Variants in MOCOS observed in about 807,000 individuals in gnomAD.
The protein encoded by MOCOS is molybdenum cofactor sulfurase.
Under a neutral mutation model 83.6 loss-of-function variants are expected in MOCOS, and 86 were observed. The ratio of observed to expected loss-of-function variants is 1.03; its 90% CI spans 0.86 to 1.23. The LOEUF (loss-of-function observed/expected upper bound fraction) is 1.23, where lower values mean the gene tolerates loss of function less well. MOCOS is among the 50% of genes most tolerant of loss of function. The probability of loss-of-function intolerance (pLI) is 0.00; values close to 1 mark genes in which losing one functional copy is unlikely to be tolerated. For synonymous variants in MOCOS, 445 were observed against 434.7 expected (o/e 1.02, Z -0.29); for missense variants, 1,120 against 1,126.9 (o/e 0.99, Z 0.09).
chr18:36,239,404 G>T (rs1400599523), intron 9 of MOCOS, among the ~76,000 whole-genome samples: 1 of 146,338 alleles, frequency 6.8e-6, no homozygotes, highest in Non-Finnish European at 1.5e-5. Flanking sequence ...AGCTTAGTTT[G>T]GCTGGATATG....
At chr18:36,192,860 G>A (rs180937391) in intron 1 of MOCOS, among the ~76,000 whole-genome samples, 5 of 152,174 alleles carry the variant, frequency 3.3e-5, no homozygotes, top group Non-Finnish European at 5.9e-5. Context: ...TGTTGGCCAG[G>A]CTGGTCTTGA....
chr18:36,247,012 C>T (rs893639932), intron 9 of MOCOS, among the ~76,000 whole-genome samples: 6 of 151,792 alleles, frequency 4.0e-5, no homozygotes. Flanking sequence ...ATCATACTCT[C>T]CTTGGGCAGG....
chr18:36,255,957 A>T (rs1318978305), intron 11 of MOCOS, among the ~76,000 whole-genome samples: 2 of 140,638 alleles, frequency 1.4e-5, no homozygotes, highest in African/African-American at 5.4e-5. Flanking sequence ...CAATAGTGTG[A>T]TCTCGGCTCA....
intron 4 of MOCOS, among the ~76,000 whole-genome samples, chr18:36,200,555 T>A (rs996392086): frequency 6.6e-6 from 1 of 152,024 alleles, no homozygotes; most frequent in African/African-American, 2.4e-5. Flanking sequence ...TCCAGAGCTG[T>A]GAGAGGACTG....
At chr18:36,268,425 G>T (rs2091688508) in intron 14 of MOCOS, 108 bp from the exon 15 acceptor site, 1 of 1,379,634 alleles carries the variant, frequency 7.2e-7, no homozygotes, top group Middle Eastern at 1.8e-4. Flanking sequence ...CTCAGTATAT[G>T]TCTTTAAAAA....
intron 13 of MOCOS, among the ~76,000 whole-genome samples, chr18:36,260,847 G>C (rs1166175131): frequency 1.3e-5 from 2 of 151,404 alleles, no homozygotes; most frequent in Non-Finnish European, 2.9e-5. Flanking sequence ...CCGTCACAGT[G>C]ACCTTCTCTC....
intron 9 of MOCOS, among the ~76,000 whole-genome samples, chr18:36,240,334 T>C (rs1412484063): frequency 7.4e-6 from 1 of 134,570 alleles, no homozygotes; most frequent in African/African-American, 2.9e-5. Context: ...CCTTTCTGTT[T>C]GTTAGTTTTC....
chr18:36,208,716 T>C (rs962336011), intron 6 of MOCOS, among the ~76,000 whole-genome samples: 3 of 152,212 alleles, frequency 2.0e-5, no homozygotes, highest in Non-Finnish European at 4.4e-5. Flanking sequence ...ATTTTCCGGG[T>C]ATAGAATCAT....
chr18:36,233,578 G>A (rs1248417928), intron 9 of MOCOS, among the ~76,000 whole-genome samples: 1 of 152,148 alleles, frequency 6.6e-6, no homozygotes, highest in Admixed American at 6.5e-5. Flanking sequence ...GGATCAAATT[G>A]TGGTTCTACT....
intron 9 of MOCOS, among the ~76,000 whole-genome samples, chr18:36,220,738 T>TGGCAA (rs2091493104): frequency 6.6e-6 from 1 of 151,904 alleles, no homozygotes; most frequent in Non-Finnish European, 1.5e-5. Flanking sequence ...CTGGCCAACA[T>TGGCAA]GACGAAACCC....
chr18:36,269,386 C>T lies in MOCOS; in HGVS notation c.*701C>T, dbSNP rs1178039219. 2 of 152,594 alleles carry T rather than the reference C, an allele frequency of 1.3e-5. No homozygotes were observed. Among genetic ancestry groups the T allele is most frequent in the Non-Finnish European group, 2.9e-5 (2 of 68,388 alleles). 9.5% of individuals were successfully genotyped at this position (152,594 alleles called of 1,614,324 possible). A position where few individuals can be genotyped will look rare whatever the true frequency, so the allele number is the denominator to read the frequency against. On this transcript the variant is annotated 3_prime_UTR_variant, in exon 15 of 15. Coordinates refer to ENST00000261326, the MANE Select transcript of MOCOS (RefSeq NM_017947.4). ...TGGCTGTGCTTATGCAGGTTGTCAT[C>T]CTCCCCTCCACAAGCCCACAGGATG...
Position 36,268,692 on chromosome 18 carries a change from T to G in MOCOS, c.*7T>G, listed in dbSNP as rs1022275606. 1 of 1,483,734 alleles carries G rather than the reference T, an allele frequency of 6.7e-7. No individual in the cohort carries two copies. Among genetic ancestry groups the G allele is most frequent in the Non-Finnish European group, 9.0e-7 (1 of 1,114,704 alleles). 91.9% of individuals were successfully genotyped at this position (1,483,734 alleles called of 1,614,324 possible). ...CCAGGATGTTACCTCCTAAAAAAAA[T>G]TTTTAGCATAAAGTTTCTCTTTTAC... On this transcript the variant is annotated 3_prime_UTR_variant, in exon 15 of 15. Transcript: ENST00000261326.
At position 36,225,981 on chromosome 18, in the gene MOCOS, G is replaced by A. The variant is rs1186124504; in HGVS notation, c.1960+5764G>A. On this transcript the variant is annotated intron_variant, in intron 9 of 14. Transcript: ENST00000261326. ...TTAAGACCTAACATGATCTATCCTGGAGAAAGATCCGTGTGTGCCTTAGAA... is the reference window on the plus strand; with the variant it reads ...TTAAGACCTAACATGATCTATCCTGAAGAAAGATCCGTGTGTGCCTTAGAA... Among the ~76,000 whole-genome samples the A allele has an allele frequency of 1.3e-5, 2 of 150,494 alleles. 1 individual carries two copies. The highest frequency in any genetic ancestry group is 4.9e-5 in the African/African-American group (2 of 40,792).
In MOCOS at chr18:36,261,730, C is replaced by T. The variant is rs1357343066; in HGVS notation, c.2409+1555C>T. 6.6e-5 allele frequency among the ~76,000 whole-genome samples: 10 copies of T among 152,202 alleles called. No homozygotes were observed. The South Asian group carries it at 1.3e-3, about 19-fold the overall frequency. ...TGTCCTACATTCTCTCCCACAAGCCCATCTCAGGCACTAGCCCTCCTGCCG... is the reference window on the plus strand; with the variant it reads ...TGTCCTACATTCTCTCCCACAAGCCTATCTCAGGCACTAGCCCTCCTGCCG... On this transcript the variant is annotated intron_variant, in intron 13 of 14. Transcript: ENST00000261326.
At chr18:36,229,190 G>A (rs1403541792) in intron 9 of MOCOS, among the ~76,000 whole-genome samples, 1 of 151,926 alleles carries the variant, frequency 6.6e-6, no homozygotes, top group Non-Finnish European at 1.5e-5. Flanking sequence ...TTGTTGTTTA[G>A]TGTCCTATAG....
At chr18:36,236,596 G>A (rs1335585926) in intron 9 of MOCOS, among the ~76,000 whole-genome samples, 1 of 123,912 alleles carries the variant, frequency 8.1e-6, no homozygotes, top group Non-Finnish European at 1.7e-5. Context: ...TTTGGCTTAG[G>A]ATTGACTTGG....
chr18:36,244,433 G>A (rs1275241698), intron 9 of MOCOS, among the ~76,000 whole-genome samples: 4 of 152,170 alleles, frequency 2.6e-5, no homozygotes, highest in African/African-American at 4.8e-5. Flanking sequence ...GTATAGTTTC[G>A]AGAGTTCTTT....
intron 13 of MOCOS, among the ~76,000 whole-genome samples, chr18:36,264,696 G>C (rs183265917): frequency 9.9e-5 from 15 of 152,082 alleles, no homozygotes; most frequent in African/African-American, 3.6e-4. Context: ...ACGTGGCCTG[G>C]GAATCTTGAC....
Position 36,213,486 on chromosome 18 carries a change from G to A in MOCOS, c.1335+4G>A, listed in dbSNP as rs779711486. ...GATGGTCAGGAAGCATTTTCAGGTT[G>A]GTACAGGGCTCTGCGATCCAGACGC... is the stretch of plus-strand genomic sequence containing the variant. On this transcript the variant is annotated splice_donor_region_variant and intron_variant, in intron 7 of 14. Coordinates refer to ENST00000261326, the MANE Select transcript of MOCOS (RefSeq NM_017947.4). 6.8e-6 allele frequency: 11 copies of A among 1,610,530 alleles called. No individual in the cohort carries two copies. In the Admixed American group the frequency reaches 1.7e-4, roughly 24 times the overall value.
Sources: gnomAD v4.1 joint callset for allele counts (sites outside exome capture counted in the v4.1 genomes callset) on GRCh38, gnomAD v4.1.1 for gene constraint, MANE v1.5 for transcripts, NCBI Gene and HGNC (gene_info 2026-07-23, HGNC 2026-07-21) for gene names.